PLCB1: variants seen among roughly 807,000 people sequenced by gnomAD.
The protein encoded by PLCB1 is phospholipase C beta 1.
In PLCB1, 46 loss-of-function variants were observed where a neutral mutation model predicts 161.8. That is an observed-to-expected ratio of 0.28 (90% CI 0.22 to 0.36). The LOEUF is 0.36. Ranked by LOEUF, PLCB1 falls within the 10% of genes least tolerant of loss-of-function variation. PLCB1 has a pLI of 1.00. For missense variants in PLCB1, 1,016 were observed against 1,472.5 expected (o/e 0.69, Z 5.07); for synonymous variants, 517 against 503.7 (o/e 1.03, Z -0.35).
chr20:8,665,510 A>G (rs897645805), intron 9 of PLCB1, among the ~76,000 whole-genome samples: 2 of 152,212 alleles, frequency 1.3e-5, no homozygotes, highest in Non-Finnish European at 2.9e-5. Context: ...AAGGATAAGT[A>G]TAATAATTTA....
chr20:8,265,761 A>G (rs1451218367), intron 2 of PLCB1, among the ~76,000 whole-genome samples: 3 of 152,176 alleles, frequency 2.0e-5, no homozygotes, highest in Non-Finnish European at 4.4e-5. Flanking sequence ...TCTTTAACCT[A>G]GCAACAGTTA....
chr20:8,814,134 G>T (rs181722240), intron 31 of PLCB1, among the ~76,000 whole-genome samples: 14 of 152,174 alleles, frequency 9.2e-5, no homozygotes, highest in Admixed American at 5.9e-4. Context: ...ATGATCATTC[G>T]TATATCTACA....
At chr20:8,456,765 T>C (rs1706008491) in intron 3 of PLCB1, among the ~76,000 whole-genome samples, 2 of 152,312 alleles carry the variant, frequency 1.3e-5, no homozygotes, top group African/African-American at 4.8e-5. Flanking sequence ...GCAGATTTGG[T>C]GTCTGGTGAG....
At chr20:8,230,912 A>C (rs6055680) in intron 2 of PLCB1, among the ~76,000 whole-genome samples, 51,236 of 151,912 alleles carry the variant, frequency 0.34, 12,955 homozygotes, top group African/African-American at 0.72. Flanking sequence ...ACCATGGTGC[A>C]CCAGGTTGGC....
intron 3 of PLCB1, among the ~76,000 whole-genome samples, chr20:8,509,955 A>G (rs571222512): frequency 1.3e-5 from 2 of 152,304 alleles, no homozygotes; most frequent in South Asian, 4.1e-4. Flanking sequence ...GGCCTTAATT[A>G]TAATGTTATC....
chr20:8,240,229 G>T (rs1980530586), intron 2 of PLCB1, among the ~76,000 whole-genome samples: 2 of 150,692 alleles, frequency 1.3e-5, no homozygotes, highest in African/African-American at 4.9e-5. Context: ...AACAACACAG[G>T]TTAACCGTTA....
At chr20:8,815,019 A>G (rs1985017935) in intron 31 of PLCB1, among the ~76,000 whole-genome samples, 1 of 152,158 alleles carries the variant, frequency 6.6e-6, no homozygotes, top group Non-Finnish European at 1.5e-5. Flanking sequence ...ATACAGGTGT[A>G]ATGTCCATTA....
intron 3 of PLCB1, among the ~76,000 whole-genome samples, chr20:8,486,441 G>C (rs1334608340): frequency 6.8e-6 from 1 of 147,246 alleles, no homozygotes; most frequent in Non-Finnish European, 1.5e-5. Flanking sequence ...TGTATTAAAT[G>C]CATTAAATGT....
In PLCB1 at chr20:8,241,234, A is replaced by G. The variant is rs539355224; in HGVS notation, c.177+90863A>G. On this transcript the variant is annotated intron_variant, in intron 2 of 31. Coordinates refer to ENST00000338037, the MANE Select transcript of PLCB1 (RefSeq NM_015192.4). ...AGAATGCAAGTAATCTACTTGAAAA[A>G]TTAAGCCTCTACTTTCCAGGAAAGA... Among the ~76,000 whole-genome samples, 88 of 152,150 alleles carry G rather than the reference A, an allele frequency of 5.8e-4. 2 individuals are homozygous for G. The South Asian group carries it at 0.017, about 30-fold the overall frequency.
chr20:8,185,594 A>G (rs1023695207), intron 2 of PLCB1, among the ~76,000 whole-genome samples: 3 of 151,440 alleles, frequency 2.0e-5, no homozygotes, highest in African/African-American at 7.3e-5. Context: ...CTTATTTTAT[A>G]TATATAAACA....
intron 3 of PLCB1, among the ~76,000 whole-genome samples, chr20:8,384,993 T>G (rs893157411): frequency 1.3e-5 from 2 of 152,028 alleles, no homozygotes; most frequent in Admixed American, 1.3e-4. Context: ...CGTTGGAGGG[T>G]CTTACCCAGC....
intron 2 of PLCB1, among the ~76,000 whole-genome samples, chr20:8,357,419 A>C (rs888839835): frequency 1.3e-5 from 2 of 152,204 alleles, no homozygotes; most frequent in Non-Finnish European, 2.9e-5. Context: ...TATTCAAGCA[A>C]CTAAAGAAGC....
chr20:8,816,252 C>G (rs1325840423), intron 31 of PLCB1, among the ~76,000 whole-genome samples: 1 of 152,066 alleles, frequency 6.6e-6, no homozygotes, highest in Non-Finnish European at 1.5e-5. Flanking sequence ...ATTTTCACAA[C>G]TGAAGAATAT....
chr20:8,558,390 A>G (rs967584049), intron 3 of PLCB1, among the ~76,000 whole-genome samples: 1 of 151,768 alleles, frequency 6.6e-6, no homozygotes, highest in Non-Finnish European at 1.5e-5. Context: ...CCATGGACAA[A>G]GAACTGAAGG....
intron 3 of PLCB1, among the ~76,000 whole-genome samples, chr20:8,392,087 C>G (rs1987625470): frequency 1.3e-5 from 2 of 151,720 alleles, no homozygotes; most frequent in Admixed American, 1.3e-4. Context: ...AGTTTGCGTC[C>G]CCTCCAATAT....
intron 3 of PLCB1, among the ~76,000 whole-genome samples, chr20:8,473,367 G>T (rs747852975): frequency 5.3e-5 from 8 of 151,982 alleles, no homozygotes; most frequent in Non-Finnish European, 7.4e-5. Context: ...ATATCCACAT[G>T]TTAAGTAATT....
In PLCB1 at chr20:8,645,122, T is replaced by C. The variant is rs551745843; in HGVS notation, c.385-980T>C. Among the ~76,000 whole-genome samples, 15 of 151,370 alleles carry C rather than the reference T, an allele frequency of 9.9e-5. No individual in the cohort carries two copies. In the East Asian group the frequency reaches 2.7e-3, roughly 27 times the overall value. ...GTTAAACAGATGCTTGAAGGCAGCA[T>C]GCTCGTTAAGAGTCATCACCACTCC... On this transcript the variant is annotated intron_variant, in intron 4 of 31. Transcript: ENST00000338037.
rs79832321 is a variant in PLCB1 at position 8,458,590 on chromosome 20, C to T, written c.246+87140C>T. 2.8e-3 allele frequency among the ~76,000 whole-genome samples: 422 copies of T among 152,296 alleles called. 9 individuals carry two copies. In the East Asian group the frequency reaches 0.072, roughly 26 times the overall value. Reference sequence around the variant, plus strand: ...ACTCTTAACCACTATGCTACATCAACGTCCTTAGATGAAACAGAGACTTGG... The same window carrying T: ...ACTCTTAACCACTATGCTACATCAATGTCCTTAGATGAAACAGAGACTTGG... On this transcript the variant is annotated intron_variant, in intron 3 of 31. Coordinates refer to ENST00000338037, the MANE Select transcript of PLCB1 (RefSeq NM_015192.4).
intron 2 of PLCB1, chr20:8,371,155 C>T (rs1986891118): frequency 2.0e-6 from 1 of 494,086 alleles, no homozygotes; most frequent in Non-Finnish European, 3.6e-6. Flanking sequence ...GGGACATAAC[C>T]ACACACTTTT....
Sources: gnomAD v4.1 joint callset for allele counts (sites outside exome capture counted in the v4.1 genomes callset) on GRCh38, gnomAD v4.1.1 for gene constraint, MANE v1.5 for transcripts, NCBI Gene and HGNC (gene_info 2026-07-23, HGNC 2026-07-21) for gene names.